The following CCNB3 variants were observed in gnomAD, a reference collection of about 807,000 sequenced individuals.
The protein encoded by CCNB3 is cyclin B3.
Under a neutral mutation model 68.0 loss-of-function variants are expected in CCNB3, and 12 were observed. The ratio of observed to expected loss-of-function variants is 0.18; its 90% CI spans 0.11 to 0.29. CCNB3 has a LOEUF of 0.29. Among genes scored for constraint, CCNB3 ranks in the 10% least tolerant of loss-of-function variants. The pLI is 1.00. For missense variants in CCNB3, 904 were observed against 993.1 expected, an observed-to-expected ratio of 0.91 and a Z score of 1.21; for synonymous variants, 354 against 388.9, an observed-to-expected ratio of 0.91 and a Z score of 1.06.
At chrX:50,301,812 C>T (rs145396677) in intron 5 of CCNB3, among the ~76,000 whole-genome samples, 2,665 of 112,799 alleles carry the variant, frequency 0.024, 65 homozygotes, top group African/African-American at 0.082. Flanking sequence ...GCTTTGCTTA[C>T]CTACTCAAGC....
intron 5 of CCNB3, among the ~76,000 whole-genome samples, chrX:50,295,239 C>G: frequency 9.0e-6 from 1 of 111,585 alleles, no homozygotes; most frequent in Admixed American, 9.5e-5. Flanking sequence ...AGACCTTGTG[C>G]TCATCTTTTC....
intron 1 of CCNB3, among the ~76,000 whole-genome samples, chrX:50,226,564 T>A (rs1237037857): frequency 8.4e-5 from 5 of 59,840 alleles, no homozygotes; most frequent in African/African-American, 3.6e-4. Context: ...AATATATATA[T>A]AAATATATAT....
chrX:50,289,219 G>A (rs782707672), intron 4 of CCNB3, among the ~76,000 whole-genome samples: 4 of 111,918 alleles, frequency 3.6e-5, no homozygotes, highest in African/African-American at 1.3e-4. Context: ...AATCATTGTA[G>A]TCCAGTGCAG....
At chrX:50,279,603 TA>T (rs1232889911) in intron 1 of CCNB3, among the ~76,000 whole-genome samples, 2 of 89,071 alleles carry the variant, frequency 2.2e-5, no homozygotes, top group Non-Finnish European at 4.2e-5. Context: ...TATGTAAATG[TA>T]TATGCATATG....
intron 11 of CCNB3, 141 bp from the exon 12 acceptor site, chrX:50,351,100 C>T (rs781850464): frequency 6.4e-6 from 4 of 629,870 alleles, no homozygotes; most frequent in Non-Finnish European, 9.9e-6. Context: ...TGATCAGCGT[C>T]CAGATGGTGT....
intron 5 of CCNB3, among the ~76,000 whole-genome samples, chrX:50,303,245 C>T (rs1169072811): frequency 9.0e-6 from 1 of 111,288 alleles, no homozygotes; most frequent in East Asian, 2.8e-4. Flanking sequence ...TCCTGGATTC[C>T]AGTGGTTCTC....
rs1416452978 is a variant in CCNB3, at chrX:50,227,686, T to C, written c.-113+22736T>C. ...AATATATATAGAGAGAATATATATA[T>C]AAATATATATAGAGAGAATATATAT... On this transcript the variant is annotated intron_variant, in intron 1 of 12. Coordinates refer to ENST00000376042, the MANE Select transcript of CCNB3 (RefSeq NM_033031.3). Among the ~76,000 whole-genome samples, 30 of 95,932 alleles carry C rather than the reference T, an allele frequency of 3.1e-4. 1 individual carries two copies. Among genetic ancestry groups the C allele is most frequent in the Admixed American group, 1.2e-3 (9 of 7,654 alleles). 83.3% of individuals were successfully genotyped at this position (95,932 alleles called of 115,157 possible).
intron 8 of CCNB3, chrX:50,341,623 A>G (rs1557219639): frequency 9.1e-6 from 1 of 110,494 alleles, no homozygotes; most frequent in Non-Finnish European, 1.9e-5. Flanking sequence ...ACTAAGAAAA[A>G]AATGAGAGAG....
At chrX:50,279,725 A>AAC (rs1369375980) in intron 1 of CCNB3, among the ~76,000 whole-genome samples, 1 of 90,612 alleles carries the variant, frequency 1.1e-5, no homozygotes, top group Non-Finnish European at 2.1e-5. Flanking sequence ...CATATATGTA[A>AAC]ATATATATGA....
chrX:50,297,089 C>T (rs1259055689), intron 5 of CCNB3, among the ~76,000 whole-genome samples: 3 of 111,501 alleles, frequency 2.7e-5, no homozygotes, highest in Non-Finnish European at 5.7e-5. Flanking sequence ...TTCCTGTTCA[C>T]TCTGATGGTG....
chrX:50,348,369 T>C (rs1167537239), intron 11 of CCNB3, among the ~76,000 whole-genome samples: 11 of 112,183 alleles, frequency 9.8e-5, no homozygotes, highest in Middle Eastern at 4.6e-3. Flanking sequence ...TTTCGCATTC[T>C]TACTAATGAT....
chrX:50,323,499 T>C (rs1243453215), intron 8 of CCNB3, among the ~76,000 whole-genome samples: 1 of 110,835 alleles, frequency 9.0e-6, no homozygotes, highest in African/African-American at 3.3e-5. Context: ...CACACCAACA[T>C]GGCACATGTA....
Position 50,310,450 on chromosome X carries a change from T to C in CCNB3, c.2281T>C (p.Phe761Leu). ...KKSTSHGKVFFLKKQLALNET... is the reference protein window; with the variant it reads ...KKSTSHGKVFLLKKQLALNET... ...GTCCACTTCTCATGGAAAAGTGTTC[T>C]TCCTGAAGAAGCAGTTGGCTTTGAA... The change falls in exon 6 of 13, where the codon TTC (phenylalanine) becomes CTC (leucine). Residue 761 changes from phenylalanine (F) to leucine (L), a missense_variant. Coordinates refer to ENST00000376042, the MANE Select transcript of CCNB3 (RefSeq NM_033031.3). The C allele has an allele frequency of 8.3e-7, 1 of 1,210,594 alleles. No individual in the cohort carries two copies.
intron 12 of CCNB3, 82 bp from the exon 13 acceptor site, chrX:50,351,525 G>C (rs1333943706): frequency 9.6e-6 from 10 of 1,038,385 alleles, no homozygotes; most frequent in Non-Finnish European, 1.3e-5. Flanking sequence ...AGGAAACTAA[G>C]GGCTGTATGT....
intron 8 of CCNB3, among the ~76,000 whole-genome samples, chrX:50,314,242 T>G (rs1023019782): frequency 8.9e-6 from 1 of 112,076 alleles, no homozygotes; most frequent in Non-Finnish European, 1.9e-5. Context: ...GTTTTATCAT[T>G]CTTAAAGTCT....
intron 1 of CCNB3, among the ~76,000 whole-genome samples, chrX:50,220,221 A>T (rs1217443323): frequency 1.8e-5 from 2 of 111,619 alleles, no homozygotes; most frequent in Non-Finnish European, 3.8e-5. Flanking sequence ...AAACAGAGAC[A>T]ATTTGATTTC....
At chrX:50,313,404 A>G (rs1921568093) in intron 7 of CCNB3, among the ~76,000 whole-genome samples, 1 of 112,067 alleles carries the variant, frequency 8.9e-6, no homozygotes, top group Non-Finnish European at 1.9e-5. Context: ...GTTCAGCAGT[A>G]TCAGTTTCAC....
At chrX:50,282,266 T>G (rs1275770976) in intron 1 of CCNB3, among the ~76,000 whole-genome samples, 1 of 111,458 alleles carries the variant, frequency 9.0e-6, no homozygotes, top group Non-Finnish European at 1.9e-5. Context: ...CCCAGCCAAC[T>G]AAGAGCAGAG....
chrX:50,319,255 A>C (rs781831277), intron 8 of CCNB3, among the ~76,000 whole-genome samples: 30 of 111,400 alleles, frequency 2.7e-4, no homozygotes, highest in Non-Finnish European at 5.1e-4. Flanking sequence ...GCGCGTTACT[A>C]TGTTGAATCT....
Sources: allele counts gnomAD v4.1 joint callset (sites outside exome capture counted in the v4.1 genomes callset), GRCh38; gene constraint gnomAD v4.1.1; transcripts MANE v1.5; gene names NCBI Gene and HGNC (gene_info 2026-07-23, HGNC 2026-07-21).